DDX10: variants seen among roughly 807,000 people sequenced by gnomAD.
DDX10 encodes probable ATP-dependent RNA helicase DDX10.
A neutral mutation model predicts 104.3 loss-of-function variants in DDX10; 74 were observed. That is an observed-to-expected ratio of 0.71 (90% CI 0.59 to 0.86). DDX10 has a LOEUF of 0.86. Among genes scored for constraint, DDX10 ranks in the 40% least tolerant of loss-of-function variants. The pLI, the probability that DDX10 is intolerant of heterozygous loss-of-function variation, is 0.00. For synonymous variants in DDX10, 351 were observed against 353.4 expected (o/e 0.99, Z 0.08); for missense variants, 952 against 1,040.0 (o/e 0.92, Z 1.16).
At chr11:108,931,258 G>A (rs1341223945) in intron 17 of DDX10, among the ~76,000 whole-genome samples, 1 of 152,230 alleles carries the variant, frequency 6.6e-6, no homozygotes, top group East Asian at 1.9e-4. Flanking sequence ...GGGAGTTGGA[G>A]AAGCTATAGT....
At chr11:108,746,929 A>G (rs913347349) in intron 13 of DDX10, among the ~76,000 whole-genome samples, 2 of 152,146 alleles carry the variant, frequency 1.3e-5, no homozygotes, top group Non-Finnish European at 2.9e-5. Context: ...GCAAGGGGCT[A>G]TGAGGATAAG....
In DDX10 at chr11:108,894,939, G is replaced by A. The variant is rs113530767; in HGVS notation, c.2305-22934G>A. The stretch of plus-strand genomic sequence containing the variant: ...AAACGGAAATTTCTCACATAACCTA[G>A]GTAGAAACTTTTGTAGGAAATTGGA... On this transcript the variant is annotated intron_variant, in intron 16 of 17. Transcript: ENST00000322536. 2.5e-3 allele frequency among the ~76,000 whole-genome samples: 382 copies of A among 151,846 alleles called. 2 individuals carry two copies. The highest frequency in any genetic ancestry group is 4.2e-3 in the Non-Finnish European group (282 of 67,832).
intron 6 of DDX10, among the ~76,000 whole-genome samples, chr11:108,687,006 C>T (rs1417777768): frequency 4.6e-5 from 7 of 152,042 alleles, no homozygotes; most frequent in African/African-American, 7.2e-5. Context: ...AGGATGGTCT[C>T]GATCTCCTGA....
chr11:108,867,033 G>C lies in DDX10; in HGVS notation c.2304+14824G>C, dbSNP rs550385633. Among the ~76,000 whole-genome samples, 11 of 152,278 alleles carry C rather than the reference G, an allele frequency of 7.2e-5. No individual in the cohort carries two copies. The South Asian group carries it at 2.3e-3, about 32-fold the overall frequency. On this transcript the variant is annotated intron_variant, in intron 16 of 17. Transcript: ENST00000322536. The stretch of plus-strand genomic sequence containing the variant: ...GAAGCATCAATCAAGATGAGTGTTT[G>C]TGAAAGTTCTTTCATAATAATGAAC...
At chr11:108,915,949 TAAAAAAAA>T (rs34651677) in intron 16 of DDX10, among the ~76,000 whole-genome samples, 15 of 127,716 alleles carry the variant, frequency 1.2e-4, no homozygotes, top group Non-Finnish European at 9.9e-5. Flanking sequence ...TGCAAAAATG[TAAAAAAAA>T]AAAAAAAAAA....
At chr11:108,851,977 C>T (rs891887212) in intron 15 of DDX10, among the ~76,000 whole-genome samples, 176 bp from the exon 16 acceptor site, 2 of 152,186 alleles carry the variant, frequency 1.3e-5, no homozygotes, top group Non-Finnish European at 2.9e-5. Flanking sequence ...CTGTCTGACA[C>T]ATTCTTAATG....
intron 6 of DDX10, among the ~76,000 whole-genome samples, chr11:108,687,953 T>G (rs1272253659): frequency 6.6e-6 from 1 of 152,216 alleles, no homozygotes; most frequent in Non-Finnish European, 1.5e-5. Context: ...AGCCCCCTGA[T>G]AAATAGTACC....
At chr11:108,668,877 G>A (rs11212749) in intron 1 of DDX10, among the ~76,000 whole-genome samples, 18,588 of 152,112 alleles carry the variant, frequency 0.12, 1,539 homozygotes, top group East Asian at 0.27. Context: ...ATTAGGGGAA[G>A]TTGAGTTATC....
At chr11:108,787,522 A>T (rs528142206) in intron 13 of DDX10, among the ~76,000 whole-genome samples, 1 of 151,980 alleles carries the variant, frequency 6.6e-6, no homozygotes, top group African/African-American at 2.4e-5. Context: ...CATATTACTC[A>T]GTGGTGTTTT....
rs187280032 is a variant in DDX10 at position 108,738,416 on chromosome 11, T to G, written c.1965+14954T>G. ...ATTTTATTTAATAGCTTGAATAAAC[T>G]ATTGGTTATTGAATCTTTTTAGAAA... On this transcript the variant is annotated intron_variant, in intron 13 of 17. Transcript: ENST00000322536. 2.0e-5 allele frequency among the ~76,000 whole-genome samples: 3 copies of G among 152,200 alleles called. No homozygotes were observed. In the East Asian group the frequency reaches 5.8e-4, roughly 30 times the overall value.
intron 16 of DDX10, among the ~76,000 whole-genome samples, chr11:108,917,039 A>G (rs1413971626): frequency 6.6e-6 from 1 of 151,778 alleles, no homozygotes; most frequent in Non-Finnish European, 1.5e-5. Context: ...CATCACTACA[A>G]ATAAGCTTGT....
At chr11:108,787,105 T>G (rs1341418883) in intron 13 of DDX10, among the ~76,000 whole-genome samples, 1 of 152,240 alleles carries the variant, frequency 6.6e-6, no homozygotes, top group African/African-American at 2.4e-5. Flanking sequence ...TTACAAAGCT[T>G]AGATTGGTGG....
rs1443611652 is a variant in DDX10, at chr11:108,896,264, G to A, written c.2305-21609G>A. Among the ~76,000 whole-genome samples, 3 of 152,182 alleles carry A rather than the reference G, an allele frequency of 2.0e-5. No homozygotes were observed. The East Asian group carries it at 5.8e-4, about 29-fold the overall frequency. ...ATTTAAAAGCAAAACAAATGAACAA[G>A]CATGCTTGTGAATCCAACGTGGCAG... On this transcript the variant is annotated intron_variant, in intron 16 of 17. Transcript: ENST00000322536.
chr11:108,774,449 C>T lies in DDX10; in HGVS notation c.1965+50987C>T, dbSNP rs117810116. ...ATTTCTTGCATGTTTTAAAATTTAT[C>T]GCTTGCTGGAGGAAGCAGAGTTGGG... On this transcript the variant is annotated intron_variant, in intron 13 of 17. Coordinates refer to ENST00000322536, the MANE Select transcript of DDX10 (RefSeq NM_004398.4). Among the ~76,000 whole-genome samples the T allele has an allele frequency of 2.2e-4, 33 of 152,276 alleles. No individual in the cohort carries two copies. In the East Asian group the frequency reaches 4.1e-3, roughly 19 times the overall value.
At chr11:108,867,508 C>T (rs562436032) in intron 16 of DDX10, among the ~76,000 whole-genome samples, 9 of 152,202 alleles carry the variant, frequency 5.9e-5, no homozygotes, top group Admixed American at 2.6e-4. Flanking sequence ...AATTAGCTAC[C>T]ATAGTCAAGA....
At chr11:108,915,168 G>A (rs150827817) in intron 16 of DDX10, among the ~76,000 whole-genome samples, 14 of 152,232 alleles carry the variant, frequency 9.2e-5, no homozygotes, top group Non-Finnish European at 1.3e-4. Context: ...AGCTTGCAGA[G>A]TCCCAAGAAA....
intron 13 of DDX10, among the ~76,000 whole-genome samples, chr11:108,833,795 A>AT (rs1416390529): frequency 6.6e-6 from 1 of 151,726 alleles, no homozygotes; most frequent in Non-Finnish European, 1.5e-5. Flanking sequence ...TTTTGGTTTC[A>AT]TTTTTCTGAT....
intron 1 of DDX10, among the ~76,000 whole-genome samples, chr11:108,672,184 T>C (rs763800262): frequency 6.6e-6 from 1 of 152,100 alleles, no homozygotes. Context: ...TAACTGACTT[T>C]AGGAAGATAG....
At chr11:108,833,681 T>G (rs1200283413) in intron 13 of DDX10, among the ~76,000 whole-genome samples, 1 of 152,214 alleles carries the variant, frequency 6.6e-6, no homozygotes, top group Non-Finnish European at 1.5e-5. Context: ...TGTCATGTAA[T>G]TTTAGTGGCT....
Sources: allele counts gnomAD v4.1 joint callset (sites outside exome capture counted in the v4.1 genomes callset), GRCh38; gene constraint gnomAD v4.1.1; transcripts MANE v1.5; gene names NCBI Gene and HGNC (gene_info 2026-07-23, HGNC 2026-07-21).